The following MECOM variants were observed in gnomAD, a reference collection of about 807,000 sequenced individuals.
MECOM encodes MDS1 and EVI1 complex locus, also known as histone-lysine N-methyltransferase MECOM.
A neutral mutation model predicts 116.3 loss-of-function variants in MECOM; 13 were observed. The ratio of observed to expected loss-of-function variants is 0.11; its 90% confidence interval spans 0.07 to 0.18. MECOM has a LOEUF of 0.18. Among genes scored for constraint, MECOM ranks in the 10% least tolerant of loss-of-function variants. The pLI is 1.00. For synonymous variants in MECOM, 528 were observed against 535.2 expected, an observed-to-expected ratio of 0.99 and a Z score of 0.19; for missense variants, 1,299 against 1,509.0, an observed-to-expected ratio of 0.86 and a Z score of 2.31.
intron 2 of MECOM, among the ~76,000 whole-genome samples, chr3:169,336,648 A>C (rs1672464053): frequency 6.6e-6 from 1 of 152,050 alleles, no homozygotes; most frequent in Non-Finnish European, 1.5e-5. Context: ...TTATTGCTAC[A>C]CAGAAGGGAA....
chr3:169,097,873 A>G (rs1462631013), intron 12 of MECOM, among the ~76,000 whole-genome samples: 1 of 146,456 alleles, frequency 6.8e-6, no homozygotes, highest in Non-Finnish European at 1.5e-5. Context: ...CTTGTGGTCT[A>G]CTGGTATTTA....
chr3:169,334,044 A>T (rs550490012), intron 2 of MECOM, among the ~76,000 whole-genome samples: 5 of 151,322 alleles, frequency 3.3e-5, no homozygotes, highest in Admixed American at 6.6e-5. Context: ...ACACTTTCTT[A>T]AAAAAAAATA....
intron 1 of MECOM, among the ~76,000 whole-genome samples, chr3:169,473,881 T>G (rs1228923129): frequency 1.3e-5 from 2 of 151,228 alleles, no homozygotes; most frequent in East Asian, 3.9e-4. Context: ...ACTATATATA[T>G]GTAGTATTCA....
intron 1 of MECOM, among the ~76,000 whole-genome samples, chr3:169,413,714 G>A (rs1447885415): frequency 6.6e-6 from 1 of 152,088 alleles, no homozygotes; most frequent in East Asian, 1.9e-4. Context: ...AGGGATGTCT[G>A]CCATTACTGA....
chr3:169,168,002 C>G lies in MECOM; in HGVS notation c.376-24170G>C, dbSNP rs1233449611. 4.6e-5 allele frequency among the ~76,000 whole-genome samples: 7 copies of G among 152,076 alleles called. No homozygotes were observed. The East Asian group carries it at 1.4e-3, about 29-fold the overall frequency. On this transcript the variant is annotated intron_variant, in intron 2 of 16. Transcript: ENST00000651503. ...ATCCATGAGCAATGAGAGGGAATAG[C>G]AGCTTGTCACATGTAAACATGGCCT...
At chr3:169,283,026 T>C (rs1277666786) in intron 2 of MECOM, among the ~76,000 whole-genome samples, 1 of 152,178 alleles carries the variant, frequency 6.6e-6, no homozygotes, top group Non-Finnish European at 1.5e-5. Context: ...CTGACTTCAA[T>C]CACATCTAGA....
rs146007967 is a variant in MECOM, at chr3:169,103,229, A to G, written c.2605-1003T>C. Among the ~76,000 whole-genome samples the G allele has an allele frequency of 9.2e-3, 1,397 of 151,920 alleles. 22 individuals are homozygous for G. The highest frequency in any genetic ancestry group is 0.033 in the African/African-American group (1,349 of 41,432). ...ATCCTTCCACCTGCTTCGGTCTCCC[A>G]AAGTGCTGGGATTATAGGCATAAGC... On this transcript the variant is annotated intron_variant, in intron 10 of 16. Coordinates refer to ENST00000651503, the MANE Select transcript of MECOM (RefSeq NM_004991.4).
chr3:169,191,764 AAGAAAGAAAGAAAG>A (rs1747698585), intron 2 of MECOM, among the ~76,000 whole-genome samples: 3 of 126,700 alleles, frequency 2.4e-5, no homozygotes, highest in South Asian at 2.7e-4. Flanking sequence ...GAAAGAAAGA[AAGAAAGAAAGAAAG>A]AAAGAAAGAA....
At position 169,661,305 on chromosome 3, in the gene MECOM, T is replaced by TCC. The variant is rs570611202; in HGVS notation, c.37+2029_37+2030dup. 1.9e-4 allele frequency among the ~76,000 whole-genome samples: 8 copies of TCC among 41,118 alleles called. No homozygotes were observed. In the East Asian group the frequency reaches 2.1e-3, roughly 11 times the overall value. 27.0% of individuals were successfully genotyped at this position (41,118 alleles called of 152,430 possible). A position where few individuals can be genotyped will look rare whatever the true frequency, so the allele number is the denominator to read the frequency against. ...CACCCACCATCCCACTCCCGCCAAC[T>TCC]CCCCCCCCCACACACACACTCTCTC... is the stretch of plus-strand genomic sequence containing the variant. On this transcript the variant is annotated intron_variant, in intron 1 of 16. Transcript: ENST00000651503.
chr3:169,261,701 C>CAAG (rs1240526229), intron 2 of MECOM, among the ~76,000 whole-genome samples: 1 of 147,810 alleles, frequency 6.8e-6, no homozygotes, highest in South Asian at 2.2e-4. Context: ...AACTCCATCT[C>CAAG]AAGAAGAAGA....
At chr3:169,208,594 T>C (rs1028665351) in intron 2 of MECOM, among the ~76,000 whole-genome samples, 1 of 151,878 alleles carries the variant, frequency 6.6e-6, no homozygotes, top group African/African-American at 2.4e-5. Flanking sequence ...TTAAATTACC[T>C]TATATGTTAA....
intron 1 of MECOM, among the ~76,000 whole-genome samples, chr3:169,450,890 C>T (rs1384049688): frequency 1.3e-5 from 2 of 152,054 alleles, no homozygotes; most frequent in East Asian, 3.9e-4. Context: ...TAATGGGAAC[C>T]GAATGCAAAA....
At chr3:169,617,273 A>G (rs1450450557) in intron 1 of MECOM, among the ~76,000 whole-genome samples, 1 of 152,254 alleles carries the variant, frequency 6.6e-6, no homozygotes, top group Admixed American at 6.5e-5. Flanking sequence ...TAACCTTACA[A>G]TAAAAGTAAA....
chr3:169,553,155 A>G (rs978662753), intron 1 of MECOM, among the ~76,000 whole-genome samples: 3 of 152,094 alleles, frequency 2.0e-5, no homozygotes, highest in Non-Finnish European at 2.9e-5. Context: ...CTGAAATGCA[A>G]TTTCATGATA....
Position 169,227,908 on chromosome 3 carries a change from G to A in MECOM, c.376-84076C>T, listed in dbSNP as rs186560975. The stretch of plus-strand genomic sequence containing the variant: ...GCCCAAAACAAAGGGTGGGTATGGA[G>A]CAGTGTCCCTGATGGGAACCATTGT... On this transcript the variant is annotated intron_variant, in intron 2 of 16. Transcript: ENST00000651503. Among the ~76,000 whole-genome samples the A allele has an allele frequency of 1.0e-3, 152 of 152,276 alleles. 2 individuals carry two copies. The highest frequency in any genetic ancestry group is 2.4e-4 in the Non-Finnish European group (16 of 68,026).
intron 1 of MECOM, among the ~76,000 whole-genome samples, chr3:169,507,614 A>C (rs1157150947): frequency 6.7e-6 from 1 of 149,250 alleles, no homozygotes; most frequent in Non-Finnish European, 1.5e-5. Context: ...AATGGTGGAA[A>C]GAGCAAAGAC....
chr3:169,409,674 A>G (rs141656566), intron 1 of MECOM, among the ~76,000 whole-genome samples: 1 of 152,318 alleles, frequency 6.6e-6, no homozygotes, highest in Non-Finnish European at 1.5e-5. Context: ...CTTTCCAGCT[A>G]TACATTTTGA....
At chr3:169,369,425 C>T (rs187419350) in intron 2 of MECOM, among the ~76,000 whole-genome samples, 255 of 142,962 alleles carry the variant, frequency 1.8e-3, no homozygotes, top group Admixed American at 9.0e-3. Context: ...CGGCTCACTG[C>T]ATCCTTGACC....
chr3:169,472,613 GAAAGAAAAGAAAAGAAAAGA>G (rs772494863), intron 1 of MECOM, among the ~76,000 whole-genome samples: 11 of 47,950 alleles, frequency 2.3e-4, no homozygotes, highest in African/African-American at 1.2e-3. Flanking sequence ...GAAAGGAAAG[GAAAGAAAAGAAAAGAAAAGA>G]AAAGGAAAGG....
Sources: allele counts gnomAD v4.1 joint callset (sites outside exome capture counted in the v4.1 genomes callset), GRCh38; gene constraint gnomAD v4.1.1; transcripts MANE v1.5; gene names NCBI Gene and HGNC (gene_info 2026-07-23, HGNC 2026-07-21).